GALNTL6: variants seen among roughly 807,000 people sequenced by gnomAD.
GALNTL6 encodes polypeptide N-acetylgalactosaminyltransferase-like 6.
In GALNTL6, 46 loss-of-function variants were observed where a neutral mutation model predicts 73.7. The observed-to-expected ratio is 0.62, with a 90% CI of 0.49 to 0.80. GALNTL6 has a LOEUF of 0.80. GALNTL6 is among the 30% of genes least tolerant of loss of function. The pLI is 0.00. For missense variants in GALNTL6, 604 were observed against 755.0 expected, an observed-to-expected ratio of 0.80 and a Z score of 2.34; for synonymous variants, 259 against 263.7, an observed-to-expected ratio of 0.98 and a Z score of 0.17.
intron 5 of GALNTL6, among the ~76,000 whole-genome samples, chr4:172,665,245 G>A (rs1265456292): frequency 6.6e-6 from 1 of 152,122 alleles, no homozygotes; most frequent in Admixed American, 6.5e-5. Context: ...ATTAGGCTAG[G>A]GCATGCTGCG....
chr4:172,950,264 A>G (rs1297571515), intron 9 of GALNTL6, among the ~76,000 whole-genome samples: 1 of 152,208 alleles, frequency 6.6e-6, no homozygotes, highest in Admixed American at 6.5e-5. Context: ...GTTATGGGCC[A>G]GGCAATGCTG....
At chr4:171,851,830 A>G (rs943570156) in intron 2 of GALNTL6, among the ~76,000 whole-genome samples, 2 of 152,212 alleles carry the variant, frequency 1.3e-5, no homozygotes, top group African/African-American at 4.8e-5. Flanking sequence ...CCTCAAACAT[A>G]AATATTTCAA....
intron 8 of GALNTL6, among the ~76,000 whole-genome samples, chr4:172,912,710 G>A (rs1307281130): frequency 3.3e-5 from 5 of 152,186 alleles, no homozygotes; most frequent in East Asian, 1.9e-4. Context: ...TAAACAAAGC[G>A]GTGGGGAAGC....
At chr4:172,443,864 G>A (rs1340387993) in intron 5 of GALNTL6, among the ~76,000 whole-genome samples, 1 of 152,162 alleles carries the variant, frequency 6.6e-6, no homozygotes, top group Non-Finnish European at 1.5e-5. Flanking sequence ...CCGGATGTTG[G>A]GAAACTAGAT....
At chr4:172,217,782 C>T (rs1489286862) in intron 2 of GALNTL6, among the ~76,000 whole-genome samples, 9 of 152,096 alleles carry the variant, frequency 5.9e-5, no homozygotes, top group Admixed American at 5.9e-4. Flanking sequence ...TGATTTGTCT[C>T]GTCAGACTGT....
At chr4:172,175,748 C>T (rs576139763) in intron 2 of GALNTL6, among the ~76,000 whole-genome samples, 9 of 133,434 alleles carry the variant, frequency 6.7e-5, no homozygotes, top group Admixed American at 2.9e-4. Context: ...TGTTTTCTAC[C>T]TTTTATATGT....
At chr4:172,731,944 G>A (rs1160212723) in intron 5 of GALNTL6, among the ~76,000 whole-genome samples, 2 of 151,956 alleles carry the variant, frequency 1.3e-5, no homozygotes, top group African/African-American at 4.8e-5. Context: ...GCACAGGCTT[G>A]TTTTGTGGCT....
intron 3 of GALNTL6, among the ~76,000 whole-genome samples, chr4:172,256,042 G>A (rs1168604048): frequency 1.3e-5 from 2 of 151,326 alleles, no homozygotes; most frequent in African/African-American, 4.8e-5. Flanking sequence ...GAAATCATAA[G>A]GTATATGTTG....
At chr4:172,140,726 C>T (rs940142636) in intron 2 of GALNTL6, among the ~76,000 whole-genome samples, 1 of 151,966 alleles carries the variant, frequency 6.6e-6, no homozygotes, top group Non-Finnish European at 1.5e-5. Flanking sequence ...TATGTATTCA[C>T]TAGATTGAAT....
intron 9 of GALNTL6, among the ~76,000 whole-genome samples, chr4:172,938,430 G>T (rs1290593571): frequency 6.6e-6 from 1 of 152,190 alleles, no homozygotes; most frequent in African/African-American, 2.4e-5. Flanking sequence ...CACAATGTCA[G>T]GCAAACGCAA....
chr4:172,560,975 C>T (rs1293648069), intron 5 of GALNTL6, among the ~76,000 whole-genome samples: 3 of 152,036 alleles, frequency 2.0e-5, no homozygotes, highest in Admixed American at 6.5e-5. Context: ...ATTGCCCGGC[C>T]GGGCGCGGTG....
chr4:172,751,925 C>T (rs1737444971), intron 5 of GALNTL6, among the ~76,000 whole-genome samples: 1 of 151,966 alleles, frequency 6.6e-6, no homozygotes, highest in Non-Finnish European at 1.5e-5. Flanking sequence ...TCTCATGACC[C>T]TGCAAGAACT....
intron 12 of GALNTL6, among the ~76,000 whole-genome samples, chr4:173,023,104 C>T (rs1394350912): frequency 1.3e-5 from 2 of 152,138 alleles, no homozygotes; most frequent in Non-Finnish European, 2.9e-5. Context: ...ACTTGGCCAT[C>T]CTGTGGCTGA....
intron 2 of GALNTL6, among the ~76,000 whole-genome samples, chr4:172,094,788 C>A (rs1732301836): frequency 6.6e-6 from 1 of 152,022 alleles, no homozygotes; most frequent in African/African-American, 2.4e-5. Context: ...TATTTATCAC[C>A]TGTAATCCAC....
At chr4:172,042,864 T>TAAAA (rs397996272) in intron 2 of GALNTL6, among the ~76,000 whole-genome samples, 7,080 of 44,358 alleles carry the variant, frequency 0.16, 1,660 homozygotes, top group South Asian at 0.23. Flanking sequence ...TCTTTAACAG[T>TAAAA]AAAAAAAAAA....
chr4:172,208,761 T>C (rs1196050297), intron 2 of GALNTL6, among the ~76,000 whole-genome samples: 1 of 152,162 alleles, frequency 6.6e-6, no homozygotes, highest in Non-Finnish European at 1.5e-5. Flanking sequence ...TTGGTCAAAC[T>C]CTACCTGAAC....
At chr4:172,504,159 C>CAAAAAAAAAA (rs775200126) in intron 5 of GALNTL6, among the ~76,000 whole-genome samples, 134 of 5,148 alleles carry the variant, frequency 0.026, 48 homozygotes, top group African/African-American at 0.07. Flanking sequence ...GACTCTGTCT[C>CAAAAAAAAAA]AAAAAAAAAA....
intron 2 of GALNTL6, among the ~76,000 whole-genome samples, chr4:172,074,830 G>T (rs1044354635): frequency 6.6e-6 from 1 of 152,182 alleles, no homozygotes; most frequent in African/African-American, 2.4e-5. Flanking sequence ...GTGTACTAAG[G>T]AGATGTTTTC....
chr4:172,565,910 T>A (rs1736538499), intron 5 of GALNTL6, among the ~76,000 whole-genome samples: 2 of 152,146 alleles, frequency 1.3e-5, no homozygotes. Context: ...CAAAATAGTC[T>A]TTAAGCCCAA....
Sources: allele counts gnomAD v4.1 joint callset (sites outside exome capture counted in the v4.1 genomes callset), GRCh38; gene constraint gnomAD v4.1.1; transcripts MANE v1.5; gene names NCBI Gene and HGNC (gene_info 2026-07-23, HGNC 2026-07-21).